The following TXNRD3 variants were observed in gnomAD, a reference collection of about 807,000 sequenced individuals.
TXNRD3 encodes the protein thioredoxin reductase 3.
A neutral mutation model predicts 78.2 loss-of-function variants in TXNRD3; 68 were observed. The observed-to-expected ratio is 0.87, with a 90% confidence interval of 0.72 to 1.06. TXNRD3 has a LOEUF of 1.06. Among genes scored for constraint, TXNRD3 ranks in the 50% least tolerant of loss-of-function variants. The pLI is 0.00. For missense variants in TXNRD3, 751 were observed against 809.5 expected, an observed-to-expected ratio of 0.93 and a Z score of 0.88; for synonymous variants, 296 against 300.1, an observed-to-expected ratio of 0.99 and a Z score of 0.14.
Position 126,642,060 on chromosome 3 carries a change from C to T in TXNRD3, c.684G>A (p.Arg228=). ...GTTGATTATATTCCCAGCCAAATTT[C>T]CTTGAGTCACATAATGCCTGCCCCA... is the stretch of plus-strand genomic sequence containing the variant. Residue 228 remains arginine (R), a synonymous_variant, in exon 6 of 16, where the codon AGG becomes AGA. Transcript: ENST00000524230. 1 of 1,535,798 alleles carries T rather than the reference C, an allele frequency of 6.5e-7. No individual in the cohort carries two copies.
At position 126,619,177 on chromosome 3, in the gene TXNRD3, C is replaced by T. The variant is rs1035852538; in HGVS notation, c.1524+2565G>A. On this transcript the variant is annotated intron_variant, in intron 12 of 15. Coordinates refer to ENST00000524230, the MANE Select transcript of TXNRD3 (RefSeq NM_052883.3). ...TGGAGGGTCTTCAAAATACTAAAAA[C>T]AGAACCCCATATGATCCAGCAATCC... Among the ~76,000 whole-genome samples the T allele has an allele frequency of 2.6e-5, 4 of 152,068 alleles. No homozygotes were observed. The East Asian group carries it at 7.7e-4, about 29-fold the overall frequency.
chr3:126,625,659 G>T (rs974531447), intron 10 of TXNRD3, among the ~76,000 whole-genome samples: 19 of 151,962 alleles, frequency 1.3e-4, no homozygotes, highest in African/African-American at 3.9e-4. Context: ...TAATCCTTTG[G>T]GTATATACCC....
chr3:126,650,570 G>A (rs1216689546), intron 1 of TXNRD3, among the ~76,000 whole-genome samples: 2 of 151,872 alleles, frequency 1.3e-5, no homozygotes, highest in Non-Finnish European at 2.9e-5. Flanking sequence ...GAGACTGGGA[G>A]GCAGAAGTTG....
Position 126,611,043 on chromosome 3 carries a change from G to A in TXNRD3, c.1722C>T (p.Phe574=), listed in dbSNP as rs973102296. The A allele has an allele frequency of 4.6e-6, 7 of 1,506,098 alleles. No homozygotes were observed. The highest frequency in any genetic ancestry group is 2.5e-5 in the East Asian group (1 of 40,236). 93.3% of individuals were successfully genotyped at this position (1,506,098 alleles called of 1,614,324 possible). Residue 574 remains phenylalanine (F), a synonymous_variant, in exon 14 of 16, where the codon TTC becomes TTT. Coordinates refer to ENST00000524230, the MANE Select transcript of TXNRD3 (RefSeq NM_052883.3). ...TTCTAGTGGTATTACATACATGGTC[G>A]AATTTATTGCAGATTATCTTTGCAT...
In TXNRD3 at chr3:126,615,346, C is replaced by A. The variant is rs1419018002; in HGVS notation, c.1632+9G>T. 29 of 1,336,104 alleles carry A rather than the reference C, an allele frequency of 2.2e-5. No homozygotes were observed. Among genetic ancestry groups the A allele is most frequent in the Non-Finnish European group, 2.7e-5 (27 of 1,002,754 alleles). The allele number at this position is 1,336,104 out of a possible 1,614,324, so 82.8% of individuals were successfully genotyped here. On this transcript the variant is annotated intron_variant, in intron 13 of 15. Coordinates refer to ENST00000524230, the MANE Select transcript of TXNRD3 (RefSeq NM_052883.3). Reference sequence around the variant, plus strand: ...AATTTTTTAAGGAAGTAATAAAACACAATCTTACTTCTAGATTCTCTTTTT... The same window carrying A: ...AATTTTTTAAGGAAGTAATAAAACAAAATCTTACTTCTAGATTCTCTTTTT...
chr3:126,649,146 C>T (rs1224743395), intron 1 of TXNRD3, among the ~76,000 whole-genome samples: 3 of 152,046 alleles, frequency 2.0e-5, no homozygotes, highest in Admixed American at 6.5e-5. Flanking sequence ...AACTCAAGAA[C>T]AAAAAAGTTA....
At chr3:126,614,376 A>G (rs1480984923) in intron 13 of TXNRD3, among the ~76,000 whole-genome samples, 1 of 152,162 alleles carries the variant, frequency 6.6e-6, no homozygotes, top group Non-Finnish European at 1.5e-5. Context: ...AGGCTTGTAC[A>G]TCCTTCCTGT....
At chr3:126,639,256 T>A (rs1229189938) in intron 6 of TXNRD3, among the ~76,000 whole-genome samples, 2 of 152,226 alleles carry the variant, frequency 1.3e-5, no homozygotes, top group African/African-American at 4.8e-5. Flanking sequence ...GTTAGTGCTC[T>A]TTTTAGATTC....
chr3:126,649,326 T>A (rs894677656), intron 1 of TXNRD3, among the ~76,000 whole-genome samples: 4 of 152,216 alleles, frequency 2.6e-5, no homozygotes, highest in African/African-American at 9.6e-5. Context: ...GCATTATTTT[T>A]AAAAACAAAG....
intron 12 of TXNRD3, among the ~76,000 whole-genome samples, chr3:126,620,067 AG>A (rs1263594343): frequency 6.6e-6 from 1 of 152,116 alleles, no homozygotes; most frequent in Non-Finnish European, 1.5e-5. Flanking sequence ...AGGCTGAGGC[AG>A]GCGGATCACG....
rs1234205877 is a variant in TXNRD3, at chr3:126,631,825, C to A, written c.910G>T (p.Ala304Ser). ...AAATACCGTGGCCTTTCACCCGTTG[C>A]TATGACAAACTGTGCAGCAGTATAA... Residue 304 changes from alanine to serine, a missense_variant, in exon 8 of 16, where the codon GCA becomes TCA. Coordinates refer to ENST00000524230, the MANE Select transcript of TXNRD3 (RefSeq NM_052883.3). 1 of 1,535,986 alleles carries A rather than the reference C, an allele frequency of 6.5e-7. No individual in the cohort carries two copies. Among genetic ancestry groups the A allele is most frequent in the Non-Finnish European group, 8.7e-7 (1 of 1,146,806 alleles).
chr3:126,619,182 C>A (rs535338831), intron 12 of TXNRD3, among the ~76,000 whole-genome samples: 3 of 152,076 alleles, frequency 2.0e-5, no homozygotes, highest in African/African-American at 7.2e-5. Flanking sequence ...AAAAACAGAA[C>A]CCCATATGAT....
intron 5 of TXNRD3, among the ~76,000 whole-genome samples, chr3:126,643,186 A>C (rs999554580): frequency 1.3e-5 from 2 of 152,206 alleles, no homozygotes; most frequent in Non-Finnish European, 2.9e-5. Flanking sequence ...CCCTTACCCC[A>C]AAGTGGCCAA....
intron 10 of TXNRD3, chr3:126,625,281 A>C: frequency 6.9e-6 from 1 of 144,018 alleles, no homozygotes; most frequent in Non-Finnish European, 1.5e-5. Context: ...CATTAGGTAT[A>C]TCTCCTAATG....
chr3:126,608,385 A>C, intron 15 of TXNRD3, 114 bp downstream of exon 15: 1 of 1,170,216 alleles, frequency 8.5e-7, no homozygotes, highest in Non-Finnish European at 1.1e-6. Context: ...AAATAAAATA[A>C]ATTTAAAAAT....
intron 3 of TXNRD3, among the ~76,000 whole-genome samples, chr3:126,645,665 C>T (rs961101831): frequency 1.3e-5 from 2 of 152,142 alleles, no homozygotes; most frequent in Non-Finnish European, 2.9e-5. Context: ...TTATCTATCA[C>T]TGCTTACCTA....
At chr3:126,630,490 C>T (rs1938681381) in intron 9 of TXNRD3, among the ~76,000 whole-genome samples, 1 of 152,002 alleles carries the variant, frequency 6.6e-6, no homozygotes, top group South Asian at 2.1e-4. Context: ...AAAGGTGAAA[C>T]AAAGTGGGAG....
At chr3:126,609,783 C>A (rs949521350) in intron 14 of TXNRD3, among the ~76,000 whole-genome samples, 17 of 152,132 alleles carry the variant, frequency 1.1e-4, no homozygotes, top group Non-Finnish European at 1.2e-4. Context: ...GCAGCCCACA[C>A]CCTCATGAGG....
intron 12 of TXNRD3, among the ~76,000 whole-genome samples, chr3:126,619,034 AATGGCT>A (rs1938382616): frequency 6.6e-6 from 1 of 152,154 alleles, no homozygotes; most frequent in Non-Finnish European, 1.5e-5. Flanking sequence ...TCCTGGTTAG[AATGGCT>A]ATTATCAAAA....
Sources: allele counts gnomAD v4.1 joint callset (sites outside exome capture counted in the v4.1 genomes callset), GRCh38; gene constraint gnomAD v4.1.1; transcripts MANE v1.5; gene names NCBI Gene and HGNC (gene_info 2026-07-23, HGNC 2026-07-21).